GGA2: variants seen among roughly 807,000 people sequenced by gnomAD.
GGA2 encodes the protein ADP-ribosylation factor-binding protein GGA2.
A neutral mutation model predicts 79.5 loss-of-function variants in GGA2; 48 were observed. That is an observed-to-expected ratio of 0.60 (90% CI 0.48 to 0.77). The LOEUF is 0.77. Ranked by LOEUF, GGA2 falls within the 30% of genes least tolerant of loss-of-function variation. GGA2 has a pLI of 0.00. For missense variants in GGA2, 770 were observed against 774.0 expected, an observed-to-expected ratio of 0.99 and a Z score of 0.06; for synonymous variants, 317 against 302.0, an observed-to-expected ratio of 1.05 and a Z score of -0.51.
chr16:23,494,512 A>C, intron 2 of GGA2, 134 bp from the exon 3 acceptor site: 1 of 702,786 alleles, frequency 1.4e-6, no homozygotes. Flanking sequence ...TGCCTGACAA[A>C]CAGGCCACGC....
intron 14 of GGA2, among the ~76,000 whole-genome samples, chr16:23,474,500 G>A (rs1195088236): frequency 1.3e-5 from 2 of 152,130 alleles, no homozygotes; most frequent in African/African-American, 4.8e-5. Flanking sequence ...TGGGATTACA[G>A]GCATGCACCA....
In GGA2 at chr16:23,488,727, AAAGTT is replaced by A; in HGVS notation, c.476-23_476-19del. On this transcript the variant is annotated intron_variant, in intron 5 of 16. Coordinates refer to ENST00000309859, the MANE Select transcript of GGA2 (RefSeq NM_015044.4). ...TATAATTCCTAAAAATGCAATTTAC[AAAGTT>A]AAGACACCGATATGGTACCCAGAAA... The A allele has an allele frequency of 7.2e-7, 1 of 1,384,138 alleles. No individual in the cohort carries two copies. The highest frequency in any genetic ancestry group is 1.0e-6 in the Non-Finnish European group (1 of 971,424). 85.7% of individuals were successfully genotyped at this position (1,384,138 alleles called of 1,614,324 possible). A position where few individuals can be genotyped will look rare whatever the true frequency, so the allele number is the denominator to read the frequency against.
At chr16:23,492,425 G>A (rs1964800561) in intron 4 of GGA2, among the ~76,000 whole-genome samples, 1 of 152,090 alleles carries the variant, frequency 6.6e-6, no homozygotes, top group Non-Finnish European at 1.5e-5. Flanking sequence ...TCATGCCTAG[G>A]TAATAAAACC....
At chr16:23,480,547 C>T (rs1008056142) in intron 10 of GGA2, 98 bp downstream of exon 10, 2 of 1,048,234 alleles carry the variant, frequency 1.9e-6, no homozygotes, top group Non-Finnish European at 2.8e-6. Flanking sequence ...TCTCTCATTT[C>T]TATTCCTTAA....
intron 14 of GGA2, among the ~76,000 whole-genome samples, chr16:23,474,446 CT>C (rs1964551145): frequency 6.6e-6 from 1 of 152,224 alleles, no homozygotes; most frequent in East Asian, 1.9e-4. Context: ...CAACCTCCAC[CT>C]CCTGGATTCA....
chr16:23,513,481 G>A (rs1427928233), upstream of GGA2, among the ~76,000 whole-genome samples: 4 of 152,020 alleles, frequency 2.6e-5, no homozygotes, highest in East Asian at 7.7e-4. Flanking sequence ...CTGCTTAAGA[G>A]TTGGCCATAA....
intron 1 of GGA2, among the ~76,000 whole-genome samples, chr16:23,520,697 C>G (rs1965134823): frequency 6.6e-6 from 1 of 151,596 alleles, no homozygotes; most frequent in Non-Finnish European, 1.5e-5. Context: ...TGAGCAAAAC[C>G]CTCAAACAGA....
intron 1 of GGA2, among the ~76,000 whole-genome samples, chr16:23,496,827 G>A (rs373214904): frequency 1.3e-5 from 2 of 151,330 alleles, no homozygotes; most frequent in Admixed American, 6.6e-5. Flanking sequence ...GCGTGGTGGA[G>A]TGTTCCTGTA....
intron 13 of GGA2, among the ~76,000 whole-genome samples, chr16:23,477,175 C>T (rs577971087): frequency 6.6e-6 from 1 of 152,282 alleles, no homozygotes; most frequent in East Asian, 1.9e-4. Flanking sequence ...TGGTCTTGAA[C>T]TCCAGGGCTC....
At chr16:23,476,603 C>G (rs1053976751) in intron 13 of GGA2, among the ~76,000 whole-genome samples, 1 of 152,124 alleles carries the variant, frequency 6.6e-6, no homozygotes, top group African/African-American at 2.4e-5. Context: ...AAATGCATCA[C>G]AGATATAATA....
chr16:23,521,616 C>A (rs1965143283), intron 1 of GGA2, among the ~76,000 whole-genome samples: 1 of 152,136 alleles, frequency 6.6e-6, no homozygotes, highest in African/African-American at 2.4e-5. Flanking sequence ...CCAGGCTGGT[C>A]TCCAAACTCC....
intron 1 of GGA2, 115 bp downstream of exon 1, chr16:23,510,206 C>CCCGGCCG (rs937471962): frequency 6.9e-5 from 38 of 549,768 alleles, no homozygotes; most frequent in Middle Eastern, 5.5e-4. Flanking sequence ...AGGCCCCCTA[C>CCCGGCCG]CCGGCCGCCG....
At chr16:23,511,153 TTC>T (rs775930231), upstream of GGA2, among the ~76,000 whole-genome samples, 2 of 151,776 alleles carry the variant, frequency 1.3e-5, no homozygotes, top group Non-Finnish European at 2.9e-5. Flanking sequence ...TTTTTTATTT[TTC>T]TTTTTTTCTT....
intron 1 of GGA2, among the ~76,000 whole-genome samples, chr16:23,498,706 G>A (rs969359030): frequency 3.3e-5 from 5 of 152,152 alleles, no homozygotes; most frequent in African/African-American, 7.2e-5. Context: ...TTATTATTAC[G>A]TACAGTCTCT....
intron 1 of GGA2, among the ~76,000 whole-genome samples, chr16:23,507,465 T>C (rs190769117): frequency 1.3e-5 from 2 of 152,310 alleles, no homozygotes; most frequent in East Asian, 3.9e-4. Flanking sequence ...CTATCGCTAC[T>C]AAAAATACAA....
intron 5 of GGA2, among the ~76,000 whole-genome samples, chr16:23,490,557 A>G (rs1964769728): frequency 6.6e-6 from 1 of 152,120 alleles, no homozygotes; most frequent in Non-Finnish European, 1.5e-5. Flanking sequence ...CAATGTGGTG[A>G]AACCCCATCT....
chr16:23,503,496 A>T (rs980040816), intron 1 of GGA2, among the ~76,000 whole-genome samples: 1 of 152,226 alleles, frequency 6.6e-6, no homozygotes, highest in African/African-American at 2.4e-5. Context: ...ATTTGATTTA[A>T]AACACTACTA....
chr16:23,518,603 A>G (rs1388579744), intron 2 of GGA2, among the ~76,000 whole-genome samples: 1 of 152,224 alleles, frequency 6.6e-6, no homozygotes, highest in Non-Finnish European at 1.5e-5. Context: ...AGTTTCTCCC[A>G]GACAGCTGGA....
chr16:23,511,028 T>TGTGTGTGTGTGTGTGC (rs1468845971), upstream of GGA2, among the ~76,000 whole-genome samples: 3 of 142,952 alleles, frequency 2.1e-5, no homozygotes, highest in Non-Finnish European at 4.6e-5. Context: ...TGTGTGTGTG[T>TGTGTGTGTGTGTGTGC]GTGTGTGTGT....
Sources: gnomAD v4.1 joint callset for allele counts (sites outside exome capture counted in the v4.1 genomes callset) on GRCh38, gnomAD v4.1.1 for gene constraint, MANE v1.5 for transcripts, NCBI Gene and HGNC (gene_info 2026-07-23, HGNC 2026-07-21) for gene names.